The following ABCA13 variants were observed in gnomAD, a reference collection of about 807,000 sequenced individuals.
ABCA13 encodes the protein ATP-binding cassette sub-family A member 13.
ABCA13 carries 476 observed loss-of-function variants against 478.7 expected under a neutral mutation model. The observed-to-expected ratio is 0.99, with a 90% CI of 0.92 to 1.07. ABCA13 has a LOEUF of 1.07. Ranked by LOEUF, ABCA13 falls within the 50% of genes least tolerant of loss-of-function variation. The probability of loss-of-function intolerance (pLI) is 0.00; values close to 1 mark genes in which losing one functional copy is unlikely to be tolerated. For synonymous variants in ABCA13, 2,252 were observed against 2,158.9 expected, an observed-to-expected ratio of 1.04 and a Z score of -1.20; for missense variants, 6,060 against 5,910.6, an observed-to-expected ratio of 1.03 and a Z score of -0.83.
intron 43 of ABCA13, among the ~76,000 whole-genome samples, chr7:48,459,086 A>G (rs1311602642): frequency 6.6e-6 from 1 of 152,080 alleles, no homozygotes; most frequent in Non-Finnish European, 1.5e-5. Context: ...CCCCACTAAG[A>G]AGTGTGAGAA....
chr7:48,306,151 G>A (rs180989683), intron 23 of ABCA13, among the ~76,000 whole-genome samples: 13 of 152,346 alleles, frequency 8.5e-5, no homozygotes, highest in African/African-American at 2.9e-4. Context: ...GGGAGCAAAT[G>A]TGCTGCTGGG....
chr7:48,296,550 C>T (rs1336812957), intron 21 of ABCA13, among the ~76,000 whole-genome samples: 1 of 151,598 alleles, frequency 6.6e-6, no homozygotes, highest in East Asian at 1.9e-4. Context: ...AGCTCCACCT[C>T]CCGGGTTCAC....
chr7:48,285,604 C>T (rs12671292), intron 19 of ABCA13, among the ~76,000 whole-genome samples: 83,502 of 152,066 alleles, frequency 0.55, 23,226 homozygotes, highest in East Asian at 0.77. Context: ...TGGTCACTGT[C>T]GACTCCACGT....
chr7:48,535,444 G>A (rs1173612500), intron 55 of ABCA13, among the ~76,000 whole-genome samples: 5 of 152,184 alleles, frequency 3.3e-5, no homozygotes, highest in Admixed American at 3.3e-4. Flanking sequence ...GAGGTTCCTT[G>A]GTTGTATTTT....
At chr7:48,417,112 G>C (rs1011551991) in intron 41 of ABCA13, among the ~76,000 whole-genome samples, 2 of 152,004 alleles carry the variant, frequency 1.3e-5, no homozygotes, top group Admixed American at 6.5e-5. Flanking sequence ...CTAAAGTTTT[G>C]ATTTTACCAT....
At chr7:48,470,553 A>C (rs190754481) in intron 44 of ABCA13, among the ~76,000 whole-genome samples, 2 of 152,348 alleles carry the variant, frequency 1.3e-5, no homozygotes, top group Admixed American at 1.3e-4. Context: ...TTCAAACTGG[A>C]GTCCCTATAA....
intron 37 of ABCA13, among the ~76,000 whole-genome samples, chr7:48,390,560 A>G (rs1815893002): frequency 6.6e-6 from 1 of 152,242 alleles, no homozygotes; most frequent in Admixed American, 6.5e-5. Context: ...TGCCGGAACA[A>G]GCACCACAAA....
rs1465784197 is a variant in ABCA13, at chr7:48,412,202, T to C, written c.12229-151T>C. On this transcript the variant is annotated intron_variant, in intron 40 of 61. Coordinates refer to ENST00000435803, the MANE Select transcript of ABCA13 (RefSeq NM_152701.5). ...AGAAAGAAAAAAATACGAGATGTCATTGAGATGCCTATTGCTTAAGTGTGA... is the reference window on the plus strand; with the variant it reads ...AGAAAGAAAAAAATACGAGATGTCACTGAGATGCCTATTGCTTAAGTGTGA... 21 of 612,700 alleles carry C rather than the reference T, an allele frequency of 3.4e-5. 2 individuals are homozygous for C. The highest frequency in any genetic ancestry group is 2.7e-4 in the South Asian group (12 of 44,148). 38.0% of individuals were successfully genotyped at this position (612,700 alleles called of 1,614,324 possible). A position where few individuals can be genotyped will look rare whatever the true frequency, so the allele number is the denominator to read the frequency against.
chr7:48,189,591 C>A (rs1023668744), intron 1 of ABCA13, among the ~76,000 whole-genome samples: 1 of 152,196 alleles, frequency 6.6e-6, no homozygotes, highest in Non-Finnish European at 1.5e-5. Context: ...CGATAAGATT[C>A]AAGGTTTTAT....
chr7:48,410,813 T>A, intron 40 of ABCA13, 136 bp downstream of exon 40: 5 of 1,283,840 alleles, frequency 3.9e-6, no homozygotes, highest in Non-Finnish European at 5.4e-6. Context: ...CCAAAATAAG[T>A]GGCCCCAGGC....
At chr7:48,212,556 A>G (rs1785831309) in intron 3 of ABCA13, among the ~76,000 whole-genome samples, 1 of 152,218 alleles carries the variant, frequency 6.6e-6, no homozygotes, top group African/African-American at 2.4e-5. Flanking sequence ...TCCCAACATC[A>G]ATACATAAGA....
At chr7:48,524,513 T>C in intron 54 of ABCA13, 73 bp downstream of exon 54, 1 of 1,367,812 alleles carries the variant, frequency 7.3e-7, no homozygotes, top group East Asian at 2.5e-5. Flanking sequence ...CTGCTTGTGT[T>C]AGTCTCAGAA....
At chr7:48,265,774 G>C (rs1469706720) in intron 15 of ABCA13, among the ~76,000 whole-genome samples, 2 of 151,280 alleles carry the variant, frequency 1.3e-5, no homozygotes, top group East Asian at 1.9e-4. Flanking sequence ...TTATTACACT[G>C]GCTATAACTT....
chr7:48,427,117 C>T (rs773403502), intron 41 of ABCA13, among the ~76,000 whole-genome samples: 2 of 152,198 alleles, frequency 1.3e-5, no homozygotes, highest in Non-Finnish European at 1.5e-5. Flanking sequence ...TCAAGGCCCT[C>T]GATGTCTCCA....
intron 44 of ABCA13, among the ~76,000 whole-genome samples, chr7:48,471,073 C>T (rs1055655128): frequency 6.6e-6 from 1 of 152,176 alleles, no homozygotes; most frequent in Admixed American, 6.5e-5. Context: ...CACAATCTTT[C>T]TGCAACAGAA....
At chr7:48,523,799 A>G (rs1234534400) in intron 53 of ABCA13, among the ~76,000 whole-genome samples, 3 of 152,168 alleles carry the variant, frequency 2.0e-5, no homozygotes, top group African/African-American at 4.8e-5. Flanking sequence ...TGCTGGTTAT[A>G]TAATCCTTTT....
chr7:48,293,785 C>A (rs906618047), intron 20 of ABCA13, among the ~76,000 whole-genome samples: 1 of 151,990 alleles, frequency 6.6e-6, no homozygotes, highest in Non-Finnish European at 1.5e-5. Context: ...GTTTAAAAAA[C>A]TGATTGTTTC....
chr7:48,291,513 G>A (rs1032219035), intron 20 of ABCA13, among the ~76,000 whole-genome samples: 20 of 152,080 alleles, frequency 1.3e-4, no homozygotes, highest in Admixed American at 1.3e-3. Flanking sequence ...CATGTAATGT[G>A]GATCTGATTG....
intron 59 of ABCA13, among the ~76,000 whole-genome samples, chr7:48,638,950 C>T (rs1258010191): frequency 6.6e-6 from 1 of 152,162 alleles, no homozygotes; most frequent in Non-Finnish European, 1.5e-5. Context: ...CTGTAACTCC[C>T]TCCATTCCCT....
Sources: gnomAD v4.1 joint callset for allele counts (sites outside exome capture counted in the v4.1 genomes callset) on GRCh38, gnomAD v4.1.1 for gene constraint, MANE v1.5 for transcripts, NCBI Gene and HGNC (gene_info 2026-07-23, HGNC 2026-07-21) for gene names.